The following USP3 variants were observed in gnomAD, a reference collection of about 807,000 sequenced individuals.
USP3 encodes the protein ubiquitin specific peptidase 3, also known as ubiquitin carboxyl-terminal hydrolase 3.
In USP3, 20 loss-of-function variants were observed where a neutral mutation model predicts 72.3. The observed-to-expected ratio is 0.28, with a 90% CI of 0.19 to 0.40. The LOEUF (loss-of-function observed/expected upper bound fraction) is 0.40, where lower values mean the gene tolerates loss of function less well. Ranked by LOEUF, USP3 falls within the 10% of genes least tolerant of loss-of-function variation. The pLI, the probability that USP3 is intolerant of heterozygous loss-of-function variation, is 1.00. For synonymous variants in USP3, 222 were observed against 225.3 expected, an observed-to-expected ratio of 0.99 and a Z score of 0.13; for missense variants, 479 against 633.9, an observed-to-expected ratio of 0.76 and a Z score of 2.62.
rs1192044113 is a variant in USP3, at chr15:63,581,341, GTT to G, written c.1096+6942_1096+6943del. ...TGTGTTTATATGTATGTTTGTGTTG[GTT>G]TTTGTGTGTGTGTGTGTGTGTGTGT... On this transcript the variant is annotated intron_variant, in intron 11 of 14. Coordinates refer to ENST00000380324, the MANE Select transcript of USP3 (RefSeq NM_006537.4). Among the ~76,000 whole-genome samples, 144 of 135,762 alleles carry G rather than the reference GTT, an allele frequency of 1.1e-3. 2 individuals carry two copies. Among genetic ancestry groups the G allele is most frequent in the African/African-American group, 2.8e-3 (96 of 34,870 alleles). The allele number at this position is 135,762 out of a possible 152,430, so 89.1% of individuals were successfully genotyped here.
intron 3 of USP3, among the ~76,000 whole-genome samples, chr15:63,543,566 C>T (rs1470235599): frequency 6.6e-6 from 1 of 152,196 alleles, no homozygotes; most frequent in Non-Finnish European, 1.5e-5. Flanking sequence ...GTGGTGTCCT[C>T]ATTCTGTTTA....
rs533803020 is a variant in USP3 at position 63,534,308 on chromosome 15, T to A, written c.152+1601T>A. 2.0e-4 allele frequency among the ~76,000 whole-genome samples: 31 copies of A among 152,320 alleles called. No individual in the cohort carries two copies. The East Asian group carries it at 6.0e-3, about 29-fold the overall frequency. On this transcript the variant is annotated intron_variant, in intron 2 of 14. Coordinates refer to ENST00000380324, the MANE Select transcript of USP3 (RefSeq NM_006537.4). ...GCCAAATTTATTGATTTTTTGGTAA[T>A]TTTAGACTGCTTGTCTTTAGGGAAA...
At chr15:63,520,858 T>TG (rs1478905912) in intron 1 of USP3, among the ~76,000 whole-genome samples, 1 of 152,126 alleles carries the variant, frequency 6.6e-6, no homozygotes, top group East Asian at 1.9e-4. Flanking sequence ...CCACCATGCC[T>TG]GGCCCCATTT....
At chr15:63,543,461 C>A (rs2066275862) in intron 3 of USP3, among the ~76,000 whole-genome samples, 2 of 151,936 alleles carry the variant, frequency 1.3e-5, no homozygotes, top group African/African-American at 4.8e-5. Flanking sequence ...AGAAAAGAAA[C>A]CTTTGTCAAA....
rs2066033828 is a variant in USP3 at position 63,529,344 on chromosome 15, C to T, written c.92-3303C>T. On this transcript the variant is annotated intron_variant, in intron 1 of 14. Transcript: ENST00000380324. This position sits in a 1 kb window ranked among gnomAD's most constrained non-coding sequence, Gnocchi z 4.2. ...ACAATTCACATAACATAAAGTTAACCATCTTAAAGTGAACAATTCAGTGGC... is the reference window on the plus strand; with the variant it reads ...ACAATTCACATAACATAAAGTTAACTATCTTAAAGTGAACAATTCAGTGGC... Among the ~76,000 whole-genome samples the T allele has an allele frequency of 6.6e-6, 1 of 152,012 alleles. No individual in the cohort carries two copies. Among genetic ancestry groups the T allele is most frequent in the Non-Finnish European group, 1.5e-5 (1 of 68,000 alleles).
chr15:63,536,865 A>G (rs2066165412), intron 2 of USP3, among the ~76,000 whole-genome samples, 160 bp from the exon 3 acceptor site: 1 of 152,160 alleles, frequency 6.6e-6, no homozygotes, highest in Non-Finnish European at 1.5e-5. Flanking sequence ...AAAAAAAAAA[A>G]GAGCATATTT....
intron 3 of USP3, among the ~76,000 whole-genome samples, chr15:63,551,080 T>C (rs2066429875): frequency 1.3e-5 from 2 of 152,258 alleles, no homozygotes; most frequent in African/African-American, 4.8e-5. Flanking sequence ...GGAATGTTTT[T>C]GTTTTACATT....
chr15:63,530,710 T>G (rs2066060987), intron 1 of USP3: 12 of 352,134 alleles, frequency 3.4e-5, no homozygotes, highest in South Asian at 2.5e-4. Flanking sequence ...AAACCATGAA[T>G]AGCTGTTCAA....
At chr15:63,573,398 G>A (rs1203173084) in intron 9 of USP3, among the ~76,000 whole-genome samples, 2 of 152,120 alleles carry the variant, frequency 1.3e-5, no homozygotes, top group Non-Finnish European at 2.9e-5. Context: ...TTTGAAAATC[G>A]TTCTTAAAAC....
Position 63,537,224 on chromosome 15 carries a change from C to T in USP3, c.284+68C>T, listed in dbSNP as rs1156952796. On this transcript the variant is annotated intron_variant, in intron 3 of 14. Coordinates refer to ENST00000380324, the MANE Select transcript of USP3 (RefSeq NM_006537.4). ...AAGTGTGCTCTCCTCCCCTCCCTTC[C>T]CTCAGTCTCTAAGCCAGTTACTACT... The T allele has an allele frequency of 7.8e-6, 12 of 1,534,118 alleles. No homozygotes were observed. The Admixed American group carries it at 1.9e-4, about 25-fold the overall frequency.
intron 1 of USP3, among the ~76,000 whole-genome samples, chr15:63,531,637 G>A (rs572498830): frequency 6.6e-6 from 1 of 152,138 alleles, no homozygotes. Context: ...TTGGGCAAGA[G>A]AAATGTAGGT....
rs372855913 is a variant in USP3 at position 63,588,459 on chromosome 15, A to G, written c.1215+36A>G. On this transcript the variant is annotated intron_variant, in intron 12 of 14. Transcript: ENST00000380324. The surrounding 1 kb of genome is among the most constrained non-coding windows in gnomAD (Gnocchi z 4.6). The stretch of plus-strand genomic sequence containing the variant: ...AATTTTGAGTTATGAAGCAATTTCA[A>G]TGGGAAAGTGCTTGACTGCTAAGAC... 2.8e-5 allele frequency: 40 copies of G among 1,422,756 alleles called. No homozygotes were observed. Among genetic ancestry groups the G allele is most frequent in the East Asian group, 6.8e-5 (3 of 44,050 alleles). 88.1% of individuals were successfully genotyped at this position (1,422,756 alleles called of 1,614,324 possible).
At chr15:63,587,310 T>G (rs920125063) in intron 11 of USP3, among the ~76,000 whole-genome samples, 1 of 151,960 alleles carries the variant, frequency 6.6e-6, no homozygotes, top group Non-Finnish European at 1.5e-5. Context: ...AAGTGTGGGG[T>G]CCATAGGCAT....
In USP3 at chr15:63,588,929, T is replaced by G. The variant is rs774240332; in HGVS notation, c.1330-15T>G. The G allele has an allele frequency of 1.2e-6, 2 of 1,614,050 alleles. No individual in the cohort carries two copies. Among genetic ancestry groups the G allele is most frequent in the Non-Finnish European group, 1.7e-6 (2 of 1,180,018 alleles). On this transcript the variant is annotated splice_polypyrimidine_tract_variant and intron_variant, in intron 13 of 14. Coordinates refer to ENST00000380324, the MANE Select transcript of USP3 (RefSeq NM_006537.4). The surrounding 1 kb of genome is among the most constrained non-coding windows in gnomAD (Gnocchi z 4.6). ...TGATGTCATTGACCACTGCTCCTTC[T>G]TCCTTGTTCTGTAGCCTGAGAACAG...
chr15:63,574,300 GT>G lies in USP3; in HGVS notation c.1016-20del. On this transcript the variant is annotated intron_variant, in intron 10 of 14. Transcript: ENST00000380324. This position sits in a 1 kb window ranked among gnomAD's most constrained non-coding sequence, Gnocchi z 4.6. ...ACATATATGCCTTTAACAGCTCTCTGTTTACCTCTCTCTCCTTTTAAGACCT... is the reference window on the plus strand; with the variant it reads ...ACATATATGCCTTTAACAGCTCTCTGTTACCTCTCTCTCCTTTTAAGACCT... The G allele has an allele frequency of 6.4e-7, 1 of 1,566,562 alleles. No individual in the cohort carries two copies. Among genetic ancestry groups the G allele is most frequent in the Non-Finnish European group, 8.6e-7 (1 of 1,160,152 alleles).
chr15:63,524,742 G>T (rs2152655005), intron 1 of USP3, among the ~76,000 whole-genome samples: 1 of 152,246 alleles, frequency 6.6e-6, no homozygotes, highest in African/African-American at 2.4e-5. Flanking sequence ...TGGGTAATTA[G>T]ACTTCTTACA....
At position 63,561,836 on chromosome 15, in the gene USP3, A is replaced by G. The variant is rs538951976; in HGVS notation, c.648-1059A>G. ...GATTGTGAGGGTTGAGAAAGAAGATATTGAGATTCTCTGAGATACCAATCA... is the reference window on the plus strand; with the variant it reads ...GATTGTGAGGGTTGAGAAAGAAGATGTTGAGATTCTCTGAGATACCAATCA... On this transcript the variant is annotated intron_variant, in intron 7 of 14. Transcript: ENST00000380324. Among the ~76,000 whole-genome samples, 10 of 152,334 alleles carry G rather than the reference A, an allele frequency of 6.6e-5. No homozygotes were observed. In the South Asian group the frequency reaches 1.2e-3, roughly 19 times the overall value.
intron 8 of USP3, among the ~76,000 whole-genome samples, chr15:63,567,901 G>A (rs1342616170): frequency 6.6e-6 from 1 of 152,252 alleles, no homozygotes; most frequent in Non-Finnish European, 1.5e-5. Flanking sequence ...CTGTGCTTCA[G>A]CAGTGTTCGG....
intron 11 of USP3, among the ~76,000 whole-genome samples, chr15:63,585,852 A>G (rs1390080713): frequency 2.7e-5 from 4 of 147,110 alleles, no homozygotes; most frequent in South Asian, 2.1e-4. Flanking sequence ...TTCTTCTTCA[A>G]TGTTGTATTT....
Sources: gnomAD v4.1 joint callset for allele counts (sites outside exome capture counted in the v4.1 genomes callset) on GRCh38, gnomAD v4.1.1 for gene constraint, Gnocchi (gnomAD v3.1) non-coding constraint, MANE v1.5 for transcripts, NCBI Gene and HGNC (gene_info 2026-07-23, HGNC 2026-07-21) for gene names.